Variants in PCDH15 observed in about 807,000 individuals in gnomAD.
The protein encoded by PCDH15 is protocadherin related 15.
Under a neutral mutation model 178.5 loss-of-function variants are expected in PCDH15, and 129 were observed. The ratio of observed to expected loss-of-function variants is 0.72; its 90% CI spans 0.63 to 0.84. PCDH15 has a LOEUF of 0.84. Ranked by LOEUF, PCDH15 falls within the 40% of genes least tolerant of loss-of-function variation. The probability of loss-of-function intolerance (pLI) is 0.00; values close to 1 mark genes in which losing one functional copy is unlikely to be tolerated. For synonymous variants in PCDH15, 800 were observed against 732.0 expected, an observed-to-expected ratio of 1.09 and a Z score of -1.50; for missense variants, 2,230 against 2,099.9, an observed-to-expected ratio of 1.06 and a Z score of -1.21.
chr10:54,448,227 A>G (rs923190371), intron 3 of PCDH15, among the ~76,000 whole-genome samples: 3 of 151,690 alleles, frequency 2.0e-5, no homozygotes, highest in Non-Finnish European at 4.4e-5. Flanking sequence ...TTAAACAAAT[A>G]ATAAAGTGTT....
chr10:54,704,441 T>A (rs1347671100), intron 1 of PCDH15, among the ~76,000 whole-genome samples: 1 of 151,410 alleles, frequency 6.6e-6, no homozygotes, highest in Non-Finnish European at 1.5e-5. Flanking sequence ...CCGGAATTTC[T>A]AAGGAACTTA....
At chr10:55,432,082 AACACACAC>A (rs58866288) in intron 2 of PCDH15, among the ~76,000 whole-genome samples, 48 of 148,500 alleles carry the variant, frequency 3.2e-4, no homozygotes, top group African/African-American at 1.0e-3. Context: ...CTATCATTTA[AACACACAC>A]ACACACACAC....
At chr10:53,945,600 G>A (rs970262485) in intron 23 of PCDH15, among the ~76,000 whole-genome samples, 8 of 151,232 alleles carry the variant, frequency 5.3e-5, no homozygotes, top group East Asian at 3.9e-4. Context: ...ATTTTTTTAC[G>A]CTCTACTTTC....
intron 1 of PCDH15, among the ~76,000 whole-genome samples, chr10:55,241,561 AG>A (rs1349279893): frequency 6.6e-6 from 1 of 152,060 alleles, no homozygotes; most frequent in African/African-American, 2.4e-5. Flanking sequence ...CTGAGACCAC[AG>A]GTGTACACCA....
At chr10:53,842,481 A>C (rs1007029113) in intron 28 of PCDH15, among the ~76,000 whole-genome samples, 6 of 152,104 alleles carry the variant, frequency 3.9e-5, no homozygotes, top group African/African-American at 1.4e-4. Flanking sequence ...TCCTGACCTC[A>C]AGTGATCCGC....
intron 3 of PCDH15, among the ~76,000 whole-genome samples, chr10:54,837,512 ATTG>A (rs2133757529): frequency 6.6e-6 from 1 of 152,338 alleles, no homozygotes; most frequent in East Asian, 1.9e-4. Flanking sequence ...ATTGAACTTA[ATTG>A]TTGTAAACTG....
intron 18 of PCDH15, among the ~76,000 whole-genome samples, chr10:54,055,500 A>C (rs767176005): frequency 2.3e-4 from 35 of 152,198 alleles, no homozygotes; most frequent in Non-Finnish European, 4.6e-4. Flanking sequence ...GCCTTCTCTA[A>C]TGCATTTGTG....
chr10:54,725,874 G>A (rs1591304451), intron 1 of PCDH15, among the ~76,000 whole-genome samples: 1 of 148,120 alleles, frequency 6.8e-6, no homozygotes, highest in African/African-American at 2.6e-5. Context: ...TTTCAAGTTG[G>A]AATTCAGTTC....
intron 2 of PCDH15, among the ~76,000 whole-genome samples, chr10:55,071,866 A>G (rs1841755822): frequency 6.6e-6 from 1 of 152,204 alleles, no homozygotes; most frequent in African/African-American, 2.4e-5. Context: ...TCCTCAGCCA[A>G]TGTGAAAGAA....
chr10:55,067,711 T>G (rs956079693), intron 2 of PCDH15, among the ~76,000 whole-genome samples: 3 of 150,600 alleles, frequency 2.0e-5, no homozygotes, highest in Non-Finnish European at 4.4e-5. Context: ...CCACCAACAG[T>G]GTATAAGAGT....
intron 16 of PCDH15, among the ~76,000 whole-genome samples, chr10:54,085,293 T>G (rs11004055): frequency 4.6e-5 from 7 of 152,076 alleles, no homozygotes; most frequent in African/African-American, 1.7e-4. Flanking sequence ...AAAAAAAATT[T>G]TAATAGAATT....
chr10:54,440,916 G>C lies in PCDH15; in HGVS notation c.158-61974C>G, dbSNP rs12220231. On this transcript the variant is annotated intron_variant, in intron 3 of 37. Transcript: ENST00000644397. ...ACATTTATTCTCCATGTGGCCTTAG[G>C]TATCTTACTCTCTTATTTTAACCTT... is the stretch of plus-strand genomic sequence containing the variant. Among the ~76,000 whole-genome samples the C allele has an allele frequency of 5.9e-5, 9 of 151,968 alleles. No individual in the cohort carries two copies. The East Asian group carries it at 1.5e-3, about 26-fold the overall frequency.
intron 1 of PCDH15, among the ~76,000 whole-genome samples, chr10:54,764,481 T>A (rs1489248593): frequency 7.6e-6 from 1 of 131,022 alleles, no homozygotes; most frequent in Non-Finnish European, 1.8e-5. Context: ...ATTCCAAGAA[T>A]GCCCCAAACT....
At chr10:54,510,521 C>G (rs570507174) in intron 3 of PCDH15, among the ~76,000 whole-genome samples, 17 of 152,222 alleles carry the variant, frequency 1.1e-4, no homozygotes, top group African/African-American at 3.6e-4. Flanking sequence ...TCAAGTGGGT[C>G]CCCTTAGTAC....
chr10:54,244,082 G>A (rs138063188), intron 8 of PCDH15, among the ~76,000 whole-genome samples: 1 of 151,930 alleles, frequency 6.6e-6, no homozygotes. Context: ...CTGGAATTTC[G>A]TATCACATAT....
rs548879764 is a variant in PCDH15 at position 55,423,683 on chromosome 10, T to A, written c.-156+203942A>T. Among the ~76,000 whole-genome samples the A allele has an allele frequency of 4.5e-4, 69 of 152,158 alleles. 1 individual carries two copies. The highest frequency in any genetic ancestry group is 1.6e-3 in the African/African-American group (66 of 41,554). ...TTACCACCTACTAGACTACAGAGGATGGAAATTTTCTGATCTGTGAAAAAT... is the reference window on the plus strand; with the variant it reads ...TTACCACCTACTAGACTACAGAGGAAGGAAATTTTCTGATCTGTGAAAAAT... On this transcript the variant is annotated intron_variant, in intron 2 of 5. Transcript: ENST00000613346.
chr10:55,313,003 A>T (rs977605002), intron 1 of PCDH15, among the ~76,000 whole-genome samples: 7 of 152,214 alleles, frequency 4.6e-5, no homozygotes, highest in African/African-American at 1.7e-4. Flanking sequence ...AAGAAATAGA[A>T]TTCTTAAATT....
intron 18 of PCDH15, among the ~76,000 whole-genome samples, chr10:54,023,816 A>C (rs188756847): frequency 6.6e-6 from 1 of 151,832 alleles, no homozygotes; most frequent in Non-Finnish European, 1.5e-5. Flanking sequence ...AAATGAGAAC[A>C]CTGTGGCTTA....
Position 54,183,547 on chromosome 10 carries a change from T to C in PCDH15, c.1487A>G (p.Asn496Ser), listed in dbSNP as rs1398600387. 3 of 1,614,050 alleles carry C rather than the reference T, an allele frequency of 1.9e-6. No individual in the cohort carries two copies. Among genetic ancestry groups the C allele is most frequent in the East Asian group, 2.2e-5 (1 of 44,838 alleles). Residue 496 changes from asparagine to serine, a missense_variant, in exon 13 of 38, where the codon AAT becomes AGT. Physicochemically the swap from Asn to Ser is conservative, Grantham distance 46 (BLOSUM62 1). Transcript: ENST00000644397. ...GVQESEPVIV[N>S]IQVMDANDNT... ...ATCATTTGCATCCATCACTTGAATA[T>C]TGACGATGACTGGCTCACTTTCTTG... is the stretch of plus-strand genomic sequence containing the variant.
Sources: allele counts gnomAD v4.1 joint callset (sites outside exome capture counted in the v4.1 genomes callset), GRCh38; gene constraint gnomAD v4.1.1; transcripts MANE v1.5; gene names NCBI Gene and HGNC (gene_info 2026-07-23, HGNC 2026-07-21).